ZNF630: variants seen among roughly 807,000 people sequenced by gnomAD.
ZNF630 encodes the protein dJ54B20.2 (novel KRAB box containing C2H2 type zinc finger protein).
Under a neutral mutation model 7.2 loss-of-function variants are expected in ZNF630, and 5 were observed. That is an observed-to-expected ratio of 0.70 (90% CI 0.36 to 1.46). ZNF630 has a LOEUF of 1.46. ZNF630 is among the 40% of genes most tolerant of loss of function. The probability of loss-of-function intolerance (pLI) is 0.03; values close to 1 mark genes in which losing one functional copy is unlikely to be tolerated. For synonymous variants in ZNF630, 158 were observed against 162.8 expected (o/e 0.97, Z 0.23); for missense variants, 461 against 477.0 (o/e 0.97, Z 0.31).
rs782151720 is a variant in ZNF630, at chrX:48,058,635, C to T, written c.1807G>A (p.Glu603Lys). The T allele has an allele frequency of 1.7e-6, 2 of 1,207,534 alleles. No individual in the cohort carries two copies. The highest frequency in any genetic ancestry group is 1.8e-5 in the South Asian group (1 of 56,602). The stretch of plus-strand genomic sequence containing the variant: ...TTCCAGAAAAAAGTCATTCCAGACT[C>T]AGCACATTCAGGGGTTTTCTCCCTA... ...HPREKTPECA[E>K]SGMTFFWKSQ... is the part of the protein sequence containing the mutation. The change falls in exon 5 of 5, where the codon GAG (glutamate) becomes AAG (lysine). Residue 603 changes from glutamate to lysine, a missense_variant. Transcript: ENST00000276054.
rs782285669 is a variant in ZNF630, at chrX:48,058,594, T to C, written c.1848A>G (p.Thr616=). ...MTFFWKSQMI[T]YQRRHTGEKP... ...TCTCCCCAGTGTGTCTTCTCTGATA[T>C]GTAATCATCTGTGATTTCCAGAAAA... Residue 616 remains threonine (T), a synonymous_variant, in exon 5 of 5, where the codon ACA becomes ACG. Coordinates refer to ENST00000276054, the MANE Select transcript of ZNF630 (RefSeq NM_001282201.2). 22 of 1,208,060 alleles carry C rather than the reference T, an allele frequency of 1.8e-5. No homozygotes were observed. The highest frequency in any genetic ancestry group is 4.6e-4 in the Middle Eastern group (2 of 4,335).
chrX:48,065,455 AAGAGAGAG>A (rs57013482), intron 2 of ZNF630, among the ~76,000 whole-genome samples: 1 of 62,152 alleles, frequency 1.6e-5, no homozygotes, highest in East Asian at 4.3e-4. Context: ...GAAAGAAAGA[AAGAGAGAG>A]AGAGAGAGAG....
At chrX:48,069,841 G>GTTTTTTTTTTTTTTT (rs1210374790) in intron 1 of ZNF630, among the ~76,000 whole-genome samples, 2 of 41,130 alleles carry the variant, frequency 4.9e-5, no homozygotes, top group Non-Finnish European at 5.5e-5. Context: ...GACATTGTCT[G>GTTTTTTTTTTTTTTT]TTTTTTTTTT....
intron 1 of ZNF630, among the ~76,000 whole-genome samples, chrX:48,067,602 C>A (rs1200196727): frequency 2.7e-5 from 3 of 111,654 alleles, no homozygotes; most frequent in South Asian, 7.3e-4. Context: ...GAATTGGAGA[C>A]CAGCCTGAGC....
At position 48,058,312 on chromosome X, in the gene ZNF630, T is replaced by C. The variant is rs1208307395; in HGVS notation, c.*156A>G. 4.3e-6 allele frequency: 2 copies of C among 468,631 alleles called. No homozygotes were observed. Among genetic ancestry groups the C allele is most frequent in the Non-Finnish European group, 6.5e-6 (2 of 309,705 alleles). 38.6% of individuals were successfully genotyped at this position (468,631 alleles called of 1,213,427 possible). ...CATATTTGTGATGTTGAAAATATTC[T>C]GAGGGCCTAAGCAGATCATTCTGTG... is the stretch of plus-strand genomic sequence containing the variant. On this transcript the variant is annotated 3_prime_UTR_variant, in exon 5 of 5. Transcript: ENST00000276054.
At chrX:48,070,611 TAAA>T (rs782104749) in intron 1 of ZNF630, among the ~76,000 whole-genome samples, 992 of 65,905 alleles carry the variant, frequency 0.015, 7 homozygotes, top group Non-Finnish European at 0.02. Context: ...AGACTTCGTC[TAAA>T]AAAAAAAAAA....
intron 1 of ZNF630, 67 bp from the exon 2 acceptor site, chrX:48,067,128 T>TCCCAC: frequency 2.6e-6 from 1 of 378,223 alleles, no homozygotes. Flanking sequence ...GTTTTGTCTT[T>TCCCAC]AACACCATAT....
At chrX:48,070,598 G>A (rs1409337523) in intron 1 of ZNF630, among the ~76,000 whole-genome samples, 2 of 79,136 alleles carry the variant, frequency 2.5e-5, no homozygotes, top group Non-Finnish European at 4.9e-5. Flanking sequence ...GGGCGACAGA[G>A]TGAGACTTCG....
rs2059096962 is a variant in ZNF630, at chrX:48,060,137, A to T, written c.305T>A (p.Ile102Lys). 8.6e-7 allele frequency: 1 copy of T among 1,164,313 alleles called. No individual in the cohort carries two copies. Among genetic ancestry groups the T allele is most frequent in the Non-Finnish European group, 1.1e-6 (1 of 871,063 alleles). The change falls in exon 5 of 5, where the codon ATA (isoleucine) becomes AAA (lysine). Residue 102 changes from isoleucine (I) to lysine (K), a missense_variant. Coordinates refer to ENST00000276054, the MANE Select transcript of ZNF630 (RefSeq NM_001282201.2). ...ISGELLFQRE[I>K]LERAPKDNSL... ...ATTATCCTTTGGGGCTCTTTCTAGT[A>T]TCTCCCTTTGAAATAAAAGTTCTCC...
chrX:48,060,969 ATCTGCTCGT>A, intron 2 of ZNF630, 24 bp from the exon 3 acceptor site: 3 of 1,170,289 alleles, frequency 2.6e-6, no homozygotes, highest in Non-Finnish European at 3.5e-6. Flanking sequence ...TTCCTGTACA[ATCTGCTCGT>A]TCTGGTCATT....
chrX:48,063,010 AAGGC>A (rs201031833), intron 2 of ZNF630, among the ~76,000 whole-genome samples: 142 of 106,621 alleles, frequency 1.3e-3, no homozygotes, highest in African/African-American at 1.8e-3. Flanking sequence ...GGAAGGAAGG[AAGGC>A]AGGCAGGCAG....
At chrX:48,062,973 AGAGG>A (rs1228967072) in intron 2 of ZNF630, among the ~76,000 whole-genome samples, 1 of 55,690 alleles carries the variant, frequency 1.8e-5, no homozygotes, top group Non-Finnish European at 3.0e-5. Context: ...AGAGAGAGAG[AGAGG>A]GAGGGAGGGA....
chrX:48,070,499 G>A (rs2059155130), intron 1 of ZNF630, among the ~76,000 whole-genome samples: 2 of 107,219 alleles, frequency 1.9e-5, no homozygotes, highest in Non-Finnish European at 3.9e-5. Flanking sequence ...TGTAATTCCA[G>A]CTACTCGGGA....
intron 2 of ZNF630, among the ~76,000 whole-genome samples, chrX:48,062,180 G>A (rs2059108297): frequency 9.0e-6 from 1 of 111,256 alleles, no homozygotes; most frequent in Admixed American, 9.5e-5. Flanking sequence ...AATTGTCTGT[G>A]GTGTATGGTA....
chrX:48,063,862 TG>T (rs1446122163), intron 2 of ZNF630, among the ~76,000 whole-genome samples: 1 of 111,072 alleles, frequency 9.0e-6, no homozygotes, highest in African/African-American at 3.3e-5. Flanking sequence ...CACTCCAACC[TG>T]GGGGACAGAG....
Position 48,058,810 on chromosome X carries a change from C to T in ZNF630, c.1632G>A (p.Glu544=), listed in dbSNP as rs2059083256. Residue 544 remains glutamate (E), a synonymous_variant, in exon 5 of 5, where the codon GAG becomes GAA. Transcript: ENST00000276054. ...LRVHTGEKPY[E]CTECGRAFSL... is the part of the protein sequence containing the mutation. ...AAAAGGCCCTCCCACACTCAGTACACTCATAAGGTTTCTCCCCTGTGTGAA... is the reference window on the plus strand; with the variant it reads ...AAAAGGCCCTCCCACACTCAGTACATTCATAAGGTTTCTCCCCTGTGTGAA... The T allele has an allele frequency of 1.7e-6, 2 of 1,205,338 alleles. No homozygotes were observed. The highest frequency in any genetic ancestry group is 2.3e-4 in the Middle Eastern group (1 of 4,322).
chrX:48,063,771 C>T (rs1314734478), intron 2 of ZNF630, among the ~76,000 whole-genome samples: 1 of 110,242 alleles, frequency 9.1e-6, no homozygotes, highest in Non-Finnish European at 1.9e-5. Flanking sequence ...ACTTGTAATC[C>T]CTGCTACTCC....
intron 3 of ZNF630, 34 bp downstream of exon 3, chrX:48,060,785 T>G: frequency 8.6e-7 from 1 of 1,167,505 alleles, no homozygotes; most frequent in Non-Finnish European, 1.2e-6. Flanking sequence ...TGAGGAGGAT[T>G]TGATTCATTG....
chrX:48,066,349 T>A (rs2059131491), intron 2 of ZNF630: 1 of 107,424 alleles, frequency 9.3e-6, no homozygotes, highest in Non-Finnish European at 1.9e-5. Context: ...CGACTAAAAT[T>A]GGAAGAGCAG....
Sources: allele counts gnomAD v4.1 joint callset (sites outside exome capture counted in the v4.1 genomes callset), GRCh38; gene constraint gnomAD v4.1.1; transcripts MANE v1.5; gene names NCBI Gene and HGNC (gene_info 2026-07-23, HGNC 2026-07-21).